CABIN1: variants seen among roughly 807,000 people sequenced by gnomAD.
CABIN1 encodes calcineurin-binding protein cabin-1.
CABIN1 carries 133 observed loss-of-function variants against 227.7 expected under a neutral mutation model. The ratio of observed to expected loss-of-function variants is 0.58; its 90% confidence interval spans 0.51 to 0.67. The LOEUF (loss-of-function observed/expected upper bound fraction) is 0.67. Ranked by LOEUF, CABIN1 falls within the 30% of genes least tolerant of loss-of-function variation. The pLI is 0.00. For synonymous variants in CABIN1, 1,086 were observed against 1,155.1 expected (o/e 0.94, Z 1.21); for missense variants, 2,408 against 2,852.5 (o/e 0.84, Z 3.55).
In CABIN1 at chr22:24,087,653, AT is replaced by A. The variant is rs1024766429; in HGVS notation, c.3467del (p.Phe1156SerfsTer6). The A allele has an allele frequency of 1.7e-5, 28 of 1,614,038 alleles. No individual in the cohort carries two copies. The highest frequency in any genetic ancestry group is 2.3e-5 in the Non-Finnish European group (27 of 1,180,030). On this transcript the variant is annotated frameshift_variant, in exon 23 of 37. Coordinates refer to ENST00000263119, the MANE Select transcript of CABIN1 (RefSeq NM_012295.4). LOFTEE classifies it high-confidence loss of function. ...GCACCATGTCCTATGCCTTGCACTC[AT>A]TCGCCTCACGTCAATTGAAGCAGTG... ...YGTMSYALHS[F>X]ASRQLKQWRG... is the part of the protein sequence containing the mutation.
At chr22:24,062,097 G>A in intron 13 of CABIN1, 72 bp downstream of exon 13, 1 of 1,256,186 alleles carries the variant, frequency 8.0e-7, no homozygotes, top group Admixed American at 1.7e-5. Flanking sequence ...AGCTGAGGCG[G>A]GAGACTGAGT....
intron 24 of CABIN1, 43 bp downstream of exon 24, chr22:24,091,886 A>G (rs771711086): frequency 1.6e-5 from 25 of 1,606,052 alleles, no homozygotes; most frequent in Admixed American, 1.3e-4. Flanking sequence ...GGGCAGGGGC[A>G]GGCTGGTTTC....
At chr22:24,063,210 T>C in intron 14 of CABIN1, 64 bp downstream of exon 14, 1 of 1,540,422 alleles carries the variant, frequency 6.5e-7, no homozygotes. Context: ...GGCAGAAAAT[T>C]GACCATGTTG....
At chr22:24,014,935 C>CTA (rs1180153340) in intron 1 of CABIN1, among the ~76,000 whole-genome samples, 6 of 151,956 alleles carry the variant, frequency 3.9e-5, no homozygotes, top group African/African-American at 1.5e-4. Context: ...AGGTGACATG[C>CTA]TATATAGATA....
At chr22:24,029,654 C>A (rs2036352766) in intron 1 of CABIN1, among the ~76,000 whole-genome samples, 1 of 152,098 alleles carries the variant, frequency 6.6e-6, no homozygotes, top group Non-Finnish European at 1.5e-5. Flanking sequence ...CTGGCTTCTT[C>A]TTAATTTTGC....
Position 24,059,739 on chromosome 22 carries a change from C to A in CABIN1, c.1400-185C>A, listed in dbSNP as rs1348128083. 2.0e-5 allele frequency among the ~76,000 whole-genome samples: 3 copies of A among 152,236 alleles called. No homozygotes were observed. The East Asian group carries it at 5.8e-4, about 29-fold the overall frequency. On this transcript the variant is annotated intron_variant, in intron 11 of 36. Coordinates refer to ENST00000263119, the MANE Select transcript of CABIN1 (RefSeq NM_012295.4). ...GAGATTCAGAGAGGCTCAATCATAG[C>A]TGCTGAGGGTTGGAGCCAGGCATTG...
chr22:24,037,498 G>T (rs2037009133), intron 3 of CABIN1, among the ~76,000 whole-genome samples: 1 of 151,766 alleles, frequency 6.6e-6, no homozygotes, highest in Non-Finnish European at 1.5e-5. Context: ...TAGAGACAGG[G>T]GTCTCTCTAT....
At chr22:24,041,381 A>G (rs995748970) in intron 5 of CABIN1, 108 bp downstream of exon 5, 2 of 1,388,196 alleles carry the variant, frequency 1.4e-6, no homozygotes, top group African/African-American at 1.4e-5. Flanking sequence ...GTGGTGGATC[A>G]CCAAGCTATA....
intron 16 of CABIN1, among the ~76,000 whole-genome samples, chr22:24,070,285 G>A (rs757279814): frequency 1.3e-5 from 2 of 152,250 alleles, no homozygotes; most frequent in Non-Finnish European, 2.9e-5. Context: ...CCCCATCAGG[G>A]CACCTGGGGA....
At chr22:24,081,434 A>C (rs908037845) in intron 19 of CABIN1, among the ~76,000 whole-genome samples, 1 of 152,330 alleles carries the variant, frequency 6.6e-6, no homozygotes, top group East Asian at 1.9e-4. Context: ...GTTTCTGCTT[A>C]TGCTTTAAAA....
intron 5 of CABIN1, 23 bp downstream of exon 5, chr22:24,041,296 C>T (rs745963166): frequency 1.9e-6 from 3 of 1,614,060 alleles, no homozygotes. Flanking sequence ...CAGTGCTTAG[C>T]TACCTTGGTG....
chr22:24,120,034 G>A (rs1479089037), intron 28 of CABIN1, among the ~76,000 whole-genome samples: 7 of 152,152 alleles, frequency 4.6e-5, no homozygotes, highest in East Asian at 3.9e-4. Flanking sequence ...CTCTGATGTC[G>A]TGCTCCCTCA....
In CABIN1 at chr22:24,064,144, G is replaced by A. The variant is rs567239001; in HGVS notation, c.1994G>A (p.Arg665Gln). 83 of 1,614,070 alleles carry A rather than the reference G, an allele frequency of 5.1e-5. No individual in the cohort carries two copies. Among genetic ancestry groups the A allele is most frequent in the Non-Finnish European group, 6.7e-5 (79 of 1,180,052 alleles). ...GCTGAACGAAGAGACATTGTCATCCGGCTGCCCAACCTCCATAATGACTCT... is the reference window on the plus strand; with the variant it reads ...GCTGAACGAAGAGACATTGTCATCCAGCTGCCCAACCTCCATAATGACTCT... ...AGAERRDIVIRLPNLHNDSVV... is the reference protein window; with the variant it reads ...AGAERRDIVIQLPNLHNDSVV... The change falls in exon 15 of 37, where the codon CGG (arginine) becomes CAG (glutamine). Residue 665 changes from arginine (R) to glutamine (Q), a missense_variant. Around this residue, in one of 3 missense-constraint regions of CABIN1, gnomAD observed 1,045 missense variants for 1,168.4 expected, o/e 0.89. Transcript: ENST00000263119.
In CABIN1 at chr22:24,049,107, C is replaced by A. The variant is rs1398874331; in HGVS notation, c.543C>A (p.Ile181=). 2 of 1,613,982 alleles carry A rather than the reference C, an allele frequency of 1.2e-6. No individual in the cohort carries two copies. The highest frequency in any genetic ancestry group is 2.2e-5 in the East Asian group (1 of 44,894). Residue 181 remains isoleucine, a synonymous_variant, in exon 7 of 37, where the codon ATC becomes ATA. Coordinates refer to ENST00000263119, the MANE Select transcript of CABIN1 (RefSeq NM_012295.4). ...CCCCGCCAGCATGTCTGTACTTCAT[C>A]TGCAAAGCTTTGGAGAAGGATTGCC... The part of the protein sequence containing the change: ...LSDYTTCLYF[I]CKALEKDCRY...
chr22:24,120,516 A>T (rs1432498529), intron 28 of CABIN1, among the ~76,000 whole-genome samples: 1 of 151,968 alleles, frequency 6.6e-6, no homozygotes, highest in Non-Finnish European at 1.5e-5. Flanking sequence ...TCTAAGGGGG[A>T]GGCAGACTTA....
At chr22:24,087,431 G>A (rs2041240176) in intron 22 of CABIN1, 21 bp from the exon 23 acceptor site, 1 of 1,612,614 alleles carries the variant, frequency 6.2e-7, no homozygotes, top group Admixed American at 1.7e-5. Flanking sequence ...TTTTTAGCTG[G>A]TGCTTTTGTT....
In CABIN1 at chr22:24,177,947, G is replaced by T; in HGVS notation, c.6520-106G>T. The T allele has an allele frequency of 6.4e-7, 1 of 1,559,996 alleles. No individual in the cohort carries two copies. Among genetic ancestry groups the T allele is most frequent in the East Asian group, 2.3e-5 (1 of 43,412 alleles). ...GAGGATGGCATAGGGGCCTGGGGCA[G>T]GGGTGAGGGTGGGAGGGGGGCCTGG... is the stretch of plus-strand genomic sequence containing the variant. On this transcript the variant is annotated intron_variant, in intron 36 of 36. Coordinates refer to ENST00000263119, the MANE Select transcript of CABIN1 (RefSeq NM_012295.4). The surrounding 1 kb of genome is among the most constrained non-coding windows in gnomAD (Gnocchi z 4.4).
rs200973010 is a variant in CABIN1, at chr22:24,066,987, A to T, written c.2038A>T (p.Ile680Phe). 2 of 1,614,110 alleles carry T rather than the reference A, an allele frequency of 1.2e-6. No homozygotes were observed. The highest frequency in any genetic ancestry group is 3.3e-5 in the Admixed American group (2 of 60,028). Residue 680 changes from isoleucine to phenylalanine, a missense_variant and splice_region_variant, in exon 16 of 37, where the codon ATT (isoleucine) becomes TTT (phenylalanine). Physicochemically the swap from Ile to Phe is conservative, Grantham distance 21. This residue lies in a region of CABIN1 where 1,045 missense variants were observed against 1,168.4 expected (regional missense o/e 0.89). Transcript: ENST00000263119. Reference sequence around the variant, plus strand: ...TACAGCATTGCCGGGCCTTTTTCAGATTGATAAGAACCTGAAGTCGCTGGA... The same window carrying T: ...TACAGCATTGCCGGGCCTTTTTCAGTTTGATAAGAACCTGAAGTCGCTGGA... ...HNDSVVSLEE[I>F]DKNLKSLERC...
rs745547509 is a variant in CABIN1, at chr22:24,043,307, CTTTTTTT to C, written c.526+240_526+246del. Among the ~76,000 whole-genome samples the C allele has an allele frequency of 9.8e-3, 699 of 71,094 alleles. 2 individuals are homozygous for C. Among genetic ancestry groups the C allele is most frequent in the South Asian group, 0.016 (35 of 2,244 alleles). 46.6% of individuals were successfully genotyped at this position (71,094 alleles called of 152,430 possible). The stretch of plus-strand genomic sequence containing the variant: ...GTAGCATGTTTTCTGAATGATTTTA[CTTTTTTT>C]TTTTTTTTTTTTTTTTGCTTTGCAA... On this transcript the variant is annotated intron_variant, in intron 6 of 36. Transcript: ENST00000263119.
Sources: allele counts gnomAD v4.1 joint callset (sites outside exome capture counted in the v4.1 genomes callset), GRCh38; gene constraint gnomAD v4.1.1; regional missense constraint gnomAD v4.1.1; non-coding constraint Gnocchi (gnomAD v3.1); transcripts MANE v1.5; gene names NCBI Gene and HGNC (gene_info 2026-07-23, HGNC 2026-07-21).